IQUB: variants seen among roughly 807,000 people sequenced by gnomAD.
IQUB encodes the protein IQ motif and ubiquitin-like domain-containing protein.
Under a neutral mutation model 86.4 loss-of-function variants are expected in IQUB, and 86 were observed. The ratio of observed to expected loss-of-function variants is 1.00; its 90% CI spans 0.84 to 1.19. The LOEUF (loss-of-function observed/expected upper bound fraction) is 1.19. Ranked by LOEUF, IQUB falls within the 50% of genes most tolerant of loss-of-function variation. The pLI is 0.00. For missense variants in IQUB, 946 were observed against 916.9 expected (o/e 1.03, Z -0.41); for synonymous variants, 289 against 304.5 (o/e 0.95, Z 0.53).
chr7:123,509,855 T>C, intron 3 of IQUB, 46 bp downstream of exon 3: 1 of 1,513,058 alleles, frequency 6.6e-7, no homozygotes, highest in Non-Finnish European at 9.0e-7. Context: ...GTTTACATGT[T>C]AAAACTAGAA....
At chr7:123,515,091 CACAAAAA>C (rs999463695) in intron 1 of IQUB, among the ~76,000 whole-genome samples, 10 of 151,948 alleles carry the variant, frequency 6.6e-5, no homozygotes, top group African/African-American at 1.9e-4. Context: ...AGGCTCTCAC[CACAAAAA>C]ACAAAAAACA....
intron 2 of IQUB, among the ~76,000 whole-genome samples, chr7:123,511,732 T>C (rs1357003790): frequency 6.6e-6 from 1 of 152,198 alleles, no homozygotes; most frequent in Non-Finnish European, 1.5e-5. Flanking sequence ...ATGATGCTCA[T>C]TCATTGACGA....
At chr7:123,524,745 G>C (rs1349176944) in intron 1 of IQUB, among the ~76,000 whole-genome samples, 1 of 148,554 alleles carries the variant, frequency 6.7e-6, no homozygotes, top group Non-Finnish European at 1.5e-5. Context: ...ATGTTGAATA[G>C]GAGTGGTGAG....
chr7:123,500,273 C>A (rs1444083972), intron 6 of IQUB, among the ~76,000 whole-genome samples: 2 of 152,046 alleles, frequency 1.3e-5, no homozygotes, highest in African/African-American at 4.8e-5. Context: ...ATCCAAGAAC[C>A]CTCTCTTGGG....
intron 6 of IQUB, among the ~76,000 whole-genome samples, chr7:123,500,716 A>G (rs772025692): frequency 6.6e-6 from 1 of 152,140 alleles, no homozygotes; most frequent in Non-Finnish European, 1.5e-5. Context: ...TCAAGACTCT[A>G]TGGGGCAAAT....
At chr7:123,462,179 T>A (rs1794022002) in intron 10 of IQUB, among the ~76,000 whole-genome samples, 1 of 151,818 alleles carries the variant, frequency 6.6e-6, no homozygotes, top group Non-Finnish European at 1.5e-5. Context: ...ATGAGTGAAT[T>A]GTGAACATTT....
At chr7:123,531,982 C>T (rs564791166) in intron 1 of IQUB, among the ~76,000 whole-genome samples, 14 of 152,266 alleles carry the variant, frequency 9.2e-5, no homozygotes, top group Admixed American at 2.6e-4. Flanking sequence ...TATCTATTCA[C>T]GCTGGCAAAG....
chr7:123,484,904 C>T (rs1795155248), intron 7 of IQUB, among the ~76,000 whole-genome samples: 1 of 151,980 alleles, frequency 6.6e-6, no homozygotes, highest in African/African-American at 2.4e-5. Flanking sequence ...CAGTAAAAAG[C>T]ACTATTTCCC....
At chr7:123,502,831 A>G in intron 5 of IQUB, 79 bp from the exon 6 acceptor site, 1 of 1,364,248 alleles carries the variant, frequency 7.3e-7, no homozygotes, top group Non-Finnish European at 1.0e-6. Context: ...ATGTGAGTTC[A>G]TTTTCTTTTA....
chr7:123,524,398 T>C (rs1300004822), intron 1 of IQUB, among the ~76,000 whole-genome samples: 2 of 150,900 alleles, frequency 1.3e-5, no homozygotes, highest in Non-Finnish European at 3.0e-5. Context: ...GGTTTGTAGT[T>C]TTCCTTGAAG....
chr7:123,527,896 G>A (rs1296109635), intron 1 of IQUB, among the ~76,000 whole-genome samples: 2 of 152,226 alleles, frequency 1.3e-5, no homozygotes, highest in South Asian at 2.1e-4. Flanking sequence ...GAGCAATGGC[G>A]GGCGCCCCTC....
At chr7:123,464,379 A>AC (rs1299100244) in intron 10 of IQUB, among the ~76,000 whole-genome samples, 1 of 151,926 alleles carries the variant, frequency 6.6e-6, no homozygotes, top group Non-Finnish European at 1.5e-5. Flanking sequence ...GTTATAAGGA[A>AC]CACCAACAAG....
intron 7 of IQUB, among the ~76,000 whole-genome samples, chr7:123,487,495 C>T (rs1222793417): frequency 6.6e-6 from 1 of 152,192 alleles, no homozygotes; most frequent in Non-Finnish European, 1.5e-5. Context: ...TTAATCAAGA[C>T]ATTATTAGAG....
At chr7:123,527,857 C>T (rs1398332171) in intron 1 of IQUB, among the ~76,000 whole-genome samples, 2 of 152,210 alleles carry the variant, frequency 1.3e-5, no homozygotes, top group Non-Finnish European at 2.9e-5. Context: ...TTGGAGCTTC[C>T]CAGCTGCTTT....
intron 1 of IQUB, chr7:123,532,264 C>T (rs1302196310): frequency 3.3e-5 from 5 of 152,100 alleles, no homozygotes; most frequent in Non-Finnish European, 7.3e-5. Flanking sequence ...AATCTCTTCT[C>T]ATTCTCTATT....
chr7:123,525,511 G>C (rs1050400511), intron 1 of IQUB, among the ~76,000 whole-genome samples: 5 of 152,140 alleles, frequency 3.3e-5, no homozygotes, highest in Non-Finnish European at 4.4e-5. Flanking sequence ...AGTATTCTCT[G>C]ATGGTAGTTT....
At chr7:123,531,701 T>A (rs1474986337) in intron 1 of IQUB, among the ~76,000 whole-genome samples, 1 of 152,260 alleles carries the variant, frequency 6.6e-6, no homozygotes, top group Non-Finnish European at 1.5e-5. Context: ...TGTATTAACC[T>A]GCTGGTCAAT....
chr7:123,510,286 C>T (rs1435471891), intron 2 of IQUB, among the ~76,000 whole-genome samples: 2 of 152,060 alleles, frequency 1.3e-5, no homozygotes, highest in Non-Finnish European at 1.5e-5. Flanking sequence ...ATGTTCAATA[C>T]CTGGTATGTA....
chr7:123,534,279 G>A (rs1400081811), intron 1 of IQUB, among the ~76,000 whole-genome samples: 1 of 152,116 alleles, frequency 6.6e-6, no homozygotes. Context: ...AAATCAGAGA[G>A]GGGAAGCCAA....
Sources: allele counts gnomAD v4.1 joint callset (sites outside exome capture counted in the v4.1 genomes callset), GRCh38; gene constraint gnomAD v4.1.1; transcripts MANE v1.5; gene names NCBI Gene and HGNC (gene_info 2026-07-23, HGNC 2026-07-21).